Variants in RAB37 observed in about 807,000 individuals in gnomAD.
RAB37 encodes the protein RAB37, member RAS oncogene family, also known as ras-related protein Rab-37.
Under a neutral mutation model 33.1 loss-of-function variants are expected in RAB37, and 29 were observed. The observed-to-expected ratio is 0.88, with a 90% CI of 0.65 to 1.20. RAB37 has a LOEUF of 1.20. Ranked by LOEUF, RAB37 falls within the 50% of genes most tolerant of loss-of-function variation. The probability of loss-of-function intolerance (pLI) is 0.00; values close to 1 mark genes in which losing one functional copy is unlikely to be tolerated. For missense variants in RAB37, 299 were observed against 301.1 expected (o/e 0.99, Z 0.05); for synonymous variants, 128 against 119.5 (o/e 1.07, Z -0.47).
In RAB37 at chr17:74,676,637, G is replaced by A. The variant is rs139003615; in HGVS notation, c.72+4979G>A. Among the ~76,000 whole-genome samples, 21 of 152,268 alleles carry A rather than the reference G, an allele frequency of 1.4e-4. No homozygotes were observed. The highest frequency in any genetic ancestry group is 1.4e-3 in the East Asian group (7 of 5,184). On this transcript the variant is annotated intron_variant, in intron 1 of 7. Transcript: ENST00000340415. This position sits in a 1 kb window ranked among gnomAD's most constrained non-coding sequence, Gnocchi z 4.1. ...AACATGCATTGGACATTTCCAAAGC[G>A]TAAAGAACTAGGCTGGTCATTGTCG...
rs1390878017 is a variant in RAB37 at position 74,728,918 on chromosome 17, T to C, written c.73-338T>C. Among the ~76,000 whole-genome samples the C allele has an allele frequency of 3.3e-5, 5 of 152,164 alleles. No homozygotes were observed. The East Asian group carries it at 9.7e-4, about 29-fold the overall frequency. On this transcript the variant is annotated intron_variant, in intron 1 of 7. Coordinates refer to the RAB37 transcript ENST00000340415. ...TGTTTTTCTGTGTCTGTACGTGTCT[T>C]GTGCATGTATGTTTCTGTGTCGTGT... is the stretch of plus-strand genomic sequence containing the variant.
intron 1 of RAB37, among the ~76,000 whole-genome samples, chr17:74,697,816 C>A (rs1019183462): frequency 2.5e-4 from 38 of 152,138 alleles, no homozygotes; most frequent in Admixed American, 1.3e-4. Context: ...GAAGGAAAGG[C>A]CATTCCAATT....
At chr17:74,703,719 C>A (rs2033266265) in intron 1 of RAB37, among the ~76,000 whole-genome samples, 1 of 152,200 alleles carries the variant, frequency 6.6e-6, no homozygotes, top group African/African-American at 2.4e-5. Flanking sequence ...CCGGGTGCAA[C>A]CTGGGGCCCC....
intron 1 of RAB37, chr17:74,696,274 C>A: frequency 6.4e-7 from 1 of 1,552,316 alleles, no homozygotes; most frequent in Admixed American, 2.0e-5. Context: ...CTCACAAGAA[C>A]CCCCAGGTCT....
At chr17:74,712,800 G>A in intron 1 of RAB37, 1 of 1,613,800 alleles carries the variant, frequency 6.2e-7, no homozygotes, top group Non-Finnish European at 8.5e-7. Context: ...GCTTCCCCAA[G>A]AAGACAGACC....
chr17:74,717,134 TCA>T (rs2034175637), intron 1 of RAB37, among the ~76,000 whole-genome samples: 1 of 152,094 alleles, frequency 6.6e-6, no homozygotes, highest in Non-Finnish European at 1.5e-5. Context: ...AAACTCTGTC[TCA>T]AAAATAAAAT....
chr17:74,715,259 C>T (rs1256862947), intron 1 of RAB37, among the ~76,000 whole-genome samples: 1 of 152,182 alleles, frequency 6.6e-6, no homozygotes, highest in Non-Finnish European at 1.5e-5. Context: ...GGGACGCAAC[C>T]CCCTCACACC....
intron 1 of RAB37, among the ~76,000 whole-genome samples, chr17:74,701,170 T>A (rs1290741867): frequency 6.6e-6 from 1 of 152,236 alleles, no homozygotes; most frequent in Non-Finnish European, 1.5e-5. Flanking sequence ...CAAACTAATA[T>A]AAGGATTATC....
intron 1 of RAB37, among the ~76,000 whole-genome samples, chr17:74,673,466 AC>A (rs1217164175): frequency 6.6e-6 from 1 of 150,858 alleles, no homozygotes; most frequent in Non-Finnish European, 1.5e-5. Flanking sequence ...CAAATCAATT[AC>A]AAAATTTTCC....
At chr17:74,722,739 A>C (rs2034257865) in intron 1 of RAB37, among the ~76,000 whole-genome samples, 1 of 152,198 alleles carries the variant, frequency 6.6e-6, no homozygotes, top group Non-Finnish European at 1.5e-5. Context: ...ACCATATGTC[A>C]TATGTCTCGA....
intron 1 of RAB37, among the ~76,000 whole-genome samples, chr17:74,693,099 T>C (rs1330950223): frequency 6.6e-6 from 1 of 152,050 alleles, no homozygotes; most frequent in East Asian, 1.9e-4. Flanking sequence ...AAATTGGAGG[T>C]GGGCTGCAGG....
upstream of RAB37, chr17:74,737,002 G>A (rs776438546): frequency 1.3e-6 from 2 of 1,598,266 alleles, no homozygotes; most frequent in Non-Finnish European, 1.7e-6. Context: ...GACCGGTCCC[G>A]GGGCTGGATG....
At position 74,698,342 on chromosome 17, in the gene RAB37, A is replaced by G. The variant is rs2032709072; in HGVS notation, c.72+26684A>G. The G allele has an allele frequency of 2.6e-6, 4 of 1,525,242 alleles. No homozygotes were observed. The African/African-American group carries it at 4.1e-5, about 16-fold the overall frequency. 94.5% of individuals were successfully genotyped at this position (1,525,242 alleles called of 1,614,324 possible). On this transcript the variant is annotated intron_variant, in intron 1 of 7. Transcript: ENST00000340415. ...ATCCCCAGCCACCCGGCCCAGTCTCAGCCCAGCCTCACCCAGGTCCTCTCA... is the reference window on the plus strand; with the variant it reads ...ATCCCCAGCCACCCGGCCCAGTCTCGGCCCAGCCTCACCCAGGTCCTCTCA...
chr17:74,698,637 G>C lies in RAB37; in HGVS notation c.72+26979G>C, dbSNP rs754958642. On this transcript the variant is annotated intron_variant, in intron 1 of 7. Coordinates refer to the RAB37 transcript ENST00000340415. ...ACCCTCACTCCTGGGGATCCTCAAA[G>C]ATGGGTTTACAATGAGTACACATAG... is the stretch of plus-strand genomic sequence containing the variant. The C allele has an allele frequency of 5.0e-5, 74 of 1,473,294 alleles. 1 individual carries two copies. The Middle Eastern group carries it at 5.8e-4, about 12-fold the overall frequency. The allele number at this position is 1,473,294 out of a possible 1,614,324, so 91.3% of individuals were successfully genotyped here. A position where few individuals can be genotyped will look rare whatever the true frequency, so the allele number is the denominator to read the frequency against.
chr17:74,695,668 A>G (rs2032380087), intron 1 of RAB37: 1 of 1,611,110 alleles, frequency 6.2e-7, no homozygotes, highest in Non-Finnish European at 8.5e-7. Context: ...ACGGGGTGCA[A>G]CGGCAGGCCT....
chr17:74,686,516 G>A (rs918405547), intron 1 of RAB37, among the ~76,000 whole-genome samples: 6 of 151,814 alleles, frequency 4.0e-5, no homozygotes, highest in Admixed American at 1.3e-4. Context: ...TCAGCCTCCC[G>A]AGTAGCTGGG....
upstream of RAB37, among the ~76,000 whole-genome samples, chr17:74,735,471 G>GGCT (rs1182872913): frequency 6.6e-6 from 1 of 152,226 alleles, no homozygotes; most frequent in African/African-American, 2.4e-5. Context: ...GGGAGGCAGA[G>GGCT]GCTGCAATGC....
At chr17:74,680,958 A>G (rs2031942933) in intron 1 of RAB37, among the ~76,000 whole-genome samples, 1 of 152,228 alleles carries the variant, frequency 6.6e-6, no homozygotes, top group Non-Finnish European at 1.5e-5. Flanking sequence ...ACCCCTGTTC[A>G]CATGCTCCCC....
intron 1 of RAB37, among the ~76,000 whole-genome samples, chr17:74,693,546 A>C (rs115791026): frequency 1.5e-3 from 233 of 152,320 alleles, no homozygotes; most frequent in African/African-American, 5.3e-3. Flanking sequence ...ACTAGCAATC[A>C]TTGTGGGCTT....
Sources: gnomAD v4.1 joint callset for allele counts (sites outside exome capture counted in the v4.1 genomes callset) on GRCh38, gnomAD v4.1.1 for gene constraint, Gnocchi (gnomAD v3.1) non-coding constraint, MANE v1.5 for transcripts, NCBI Gene and HGNC (gene_info 2026-07-23, HGNC 2026-07-21) for gene names.